Variants in MMS19 observed in about 807,000 individuals in gnomAD.
The protein encoded by MMS19 is MMS19 nucleotide excision repair protein homolog.
MMS19 carries 77 observed loss-of-function variants against 129.8 expected under a neutral mutation model. That is an observed-to-expected ratio of 0.59 (90% CI 0.49 to 0.72). The LOEUF is 0.72. MMS19 is among the 30% of genes least tolerant of loss of function. The pLI, the probability that MMS19 is intolerant of heterozygous loss-of-function variation, is 0.00. For synonymous variants in MMS19, 491 were observed against 502.8 expected (o/e 0.98, Z 0.31); for missense variants, 1,168 against 1,266.3 (o/e 0.92, Z 1.18).
At chr10:97,490,982 A>G (rs1451963429) in intron 1 of MMS19, among the ~76,000 whole-genome samples, 1 of 152,202 alleles carries the variant, frequency 6.6e-6, no homozygotes, top group African/African-American at 2.4e-5. Context: ...TCTATACCCA[A>G]TTCCTTAATG....
At chr10:97,486,862 CATATATATATATATAT>C (rs148575472) in intron 1 of MMS19, among the ~76,000 whole-genome samples, 34,860 of 85,400 alleles carry the variant, frequency 0.41, 6,195 homozygotes, top group East Asian at 0.59. Flanking sequence ...ATTAAAGTGC[CATATATATATATATAT>C]ATATATATAT....
At chr10:97,484,205 G>T (rs556550178) in intron 1 of MMS19, 54 bp from the exon 2 acceptor site, 1 of 1,200,140 alleles carries the variant, frequency 8.3e-7, no homozygotes, top group Non-Finnish European at 1.2e-6. Context: ...CCTACCAAAG[G>T]GTTGAATAAC....
At chr10:97,474,583 T>TA (rs1244363411) in intron 8 of MMS19, among the ~76,000 whole-genome samples, 1 of 151,976 alleles carries the variant, frequency 6.6e-6, no homozygotes, top group Non-Finnish European at 1.5e-5. Context: ...CCAACAACAA[T>TA]AAAAACCCTG....
chr10:97,461,137 G>T, intron 23 of MMS19, 130 bp from the exon 24 acceptor site: 1 of 776,848 alleles, frequency 1.3e-6, no homozygotes, highest in South Asian at 1.9e-5. Context: ...TTTGCCTGTG[G>T]ACAAAATGAT....
chr10:97,467,712 G>A, intron 13 of MMS19, 129 bp from the exon 14 acceptor site: 2 of 789,112 alleles, frequency 2.5e-6, no homozygotes, highest in East Asian at 2.7e-5. Flanking sequence ...CAGCCAGGCT[G>A]GAATACAGTA....
chr10:97,491,457 G>A (rs758169716), intron 1 of MMS19, among the ~76,000 whole-genome samples: 5 of 151,942 alleles, frequency 3.3e-5, no homozygotes, highest in Non-Finnish European at 7.4e-5. Context: ...ATGAGGTCAG[G>A]AGATCGAGAC....
intron 8 of MMS19, among the ~76,000 whole-genome samples, chr10:97,472,211 C>T (rs760300665): frequency 2.0e-5 from 3 of 152,210 alleles, no homozygotes; most frequent in Non-Finnish European, 4.4e-5. Context: ...ATTCAGACTT[C>T]TCCACAGCAA....
intron 1 of MMS19, among the ~76,000 whole-genome samples, chr10:97,486,463 G>A (rs1420270526): frequency 1.3e-5 from 2 of 152,226 alleles, no homozygotes; most frequent in African/African-American, 4.8e-5. Flanking sequence ...TTGCAGGCGT[G>A]AGCCACTGTG....
intron 7 of MMS19, 38 bp from the exon 8 acceptor site, chr10:97,476,782 C>T (rs548741973): frequency 1.2e-6 from 2 of 1,613,688 alleles, no homozygotes; most frequent in South Asian, 1.1e-5. Context: ...GGTTTATCAG[C>T]TTCACTCATC....
Position 97,462,137 on chromosome 10 carries a change from G to A in MMS19, c.2013-18C>T, listed in dbSNP as rs761731284. Reference sequence around the variant, plus strand: ...CAGCTAACCTGGGGGCAGAGTACTAGGTATGACCAAGGAGCTAGGATTCTA... The same window carrying A: ...CAGCTAACCTGGGGGCAGAGTACTAAGTATGACCAAGGAGCTAGGATTCTA... On this transcript the variant is annotated intron_variant, in intron 20 of 30. Coordinates refer to ENST00000438925, the MANE Select transcript of MMS19 (RefSeq NM_022362.5). The A allele has an allele frequency of 1.5e-5, 23 of 1,537,942 alleles. No individual in the cohort carries two copies. Among genetic ancestry groups the A allele is most frequent in the Non-Finnish European group, 1.9e-5 (22 of 1,131,206 alleles).
intron 2 of MMS19, among the ~76,000 whole-genome samples, chr10:97,481,289 C>T (rs2036753969): frequency 6.6e-6 from 1 of 152,056 alleles, no homozygotes; most frequent in Non-Finnish European, 1.5e-5. Flanking sequence ...ACACCAAGAG[C>T]CAACAGAGGT....
intron 2 of MMS19, among the ~76,000 whole-genome samples, chr10:97,482,954 G>A (rs1400550574): frequency 6.6e-6 from 1 of 151,934 alleles, no homozygotes; most frequent in South Asian, 2.1e-4. Context: ...TAGAGATGGG[G>A]TTTCACCGTG....
At chr10:97,480,366 C>A (rs2036563692) in intron 3 of MMS19, 6 of 437,126 alleles carry the variant, frequency 1.4e-5, no homozygotes, top group African/African-American at 2.1e-5. Context: ...TCCTTAAAAC[C>A]AAAAAAACAA....
At chr10:97,469,423 GT>G (rs1295308926) in intron 11 of MMS19, among the ~76,000 whole-genome samples, 1 of 152,172 alleles carries the variant, frequency 6.6e-6, no homozygotes, top group African/African-American at 2.4e-5. Context: ...AGTGGGTAAT[GT>G]GCAAAGGTGA....
intron 1 of MMS19, among the ~76,000 whole-genome samples, chr10:97,484,612 T>C (rs1354555176): frequency 6.6e-6 from 1 of 152,096 alleles, no homozygotes; most frequent in Non-Finnish European, 1.5e-5. Context: ...CATGGTAAAA[T>C]ACACTACATA....
chr10:97,461,483 C>T lies in MMS19; in HGVS notation c.2311+13G>A. On this transcript the variant is annotated intron_variant, in intron 23 of 30. Transcript: ENST00000438925. ...GATTCTGGGAGGCTCCTTACATAGT[C>T]TGATCTCAGTACCTGCAGGGTGCTT... The T allele has an allele frequency of 3.1e-6, 5 of 1,606,540 alleles. No homozygotes were observed. The highest frequency in any genetic ancestry group is 4.2e-6 in the Non-Finnish European group (5 of 1,176,526).
chr10:97,467,986 T>A (rs567649051), intron 13 of MMS19, among the ~76,000 whole-genome samples: 15 of 145,806 alleles, frequency 1.0e-4, no homozygotes, highest in East Asian at 8.0e-4. Flanking sequence ...TTAAAAAAAA[T>A]TTTTTTTTTT....
upstream of MMS19, chr10:97,498,568 C>A: frequency 1.5e-6 from 1 of 689,540 alleles, no homozygotes; most frequent in Non-Finnish European, 2.3e-6. Context: ...GCGGTGGCAC[C>A]GAGAGGGAAG....
chr10:97,461,090 G>A (rs1318513282), intron 23 of MMS19, 83 bp from the exon 24 acceptor site: 1 of 1,141,398 alleles, frequency 8.8e-7, no homozygotes, highest in African/African-American at 1.6e-5. Context: ...TAAGTGCAGA[G>A]CTCCCTGAGA....
Sources: allele counts gnomAD v4.1 joint callset (sites outside exome capture counted in the v4.1 genomes callset), GRCh38; gene constraint gnomAD v4.1.1; transcripts MANE v1.5; gene names NCBI Gene and HGNC (gene_info 2026-07-23, HGNC 2026-07-21).